The following DSCAM variants were observed in gnomAD, a reference collection of about 807,000 sequenced individuals.
DSCAM encodes cell adhesion molecule DSCAM.
A neutral mutation model predicts 217.7 loss-of-function variants in DSCAM; 47 were observed. The observed-to-expected ratio is 0.22, with a 90% CI of 0.17 to 0.28. DSCAM has a LOEUF of 0.28. DSCAM is among the 10% of genes least tolerant of loss of function. The pLI is 1.00. For missense variants in DSCAM, 2,080 were observed against 2,618.3 expected (o/e 0.79, Z 4.49); for synonymous variants, 1,056 against 1,015.3 (o/e 1.04, Z -0.76).
intron 11 of DSCAM, among the ~76,000 whole-genome samples, chr21:40,225,873 T>G (rs147609557): frequency 1.8e-3 from 267 of 152,268 alleles, no homozygotes; most frequent in African/African-American, 6.1e-3. Context: ...GACACAAGTG[T>G]GTTGGTGATG....
chr21:40,785,017 A>C (rs1214819209), intron 1 of DSCAM, among the ~76,000 whole-genome samples: 1 of 152,256 alleles, frequency 6.6e-6, no homozygotes, highest in African/African-American at 2.4e-5. Flanking sequence ...TAATTCATAA[A>C]GTCTAAATGC....
intron 11 of DSCAM, among the ~76,000 whole-genome samples, chr21:40,246,461 AACCTGGG>A (rs2073227082): frequency 6.7e-6 from 1 of 149,626 alleles, no homozygotes; most frequent in Non-Finnish European, 1.5e-5. Flanking sequence ...GAACTGTTGG[AACCTGGG>A]AGGTGGAGGC....
intron 15 of DSCAM, among the ~76,000 whole-genome samples, chr21:40,172,883 T>C (rs561798837): frequency 6.6e-6 from 1 of 152,066 alleles, no homozygotes; most frequent in Non-Finnish European, 1.5e-5. Context: ...AGGAGTTGGG[T>C]GGGTGGGCGA....
intron 3 of DSCAM, among the ~76,000 whole-genome samples, chr21:40,418,185 A>C (rs934346597): frequency 7.9e-5 from 12 of 152,240 alleles, no homozygotes; most frequent in South Asian, 4.2e-4. Flanking sequence ...ATTGAGATTC[A>C]GTGTTATCCA....
At chr21:40,446,083 C>T (rs984819936) in intron 3 of DSCAM, among the ~76,000 whole-genome samples, 15 of 152,116 alleles carry the variant, frequency 9.9e-5, no homozygotes, top group Non-Finnish European at 1.8e-4. Context: ...GCTTTATATT[C>T]TTACGTGGGA....
intron 1 of DSCAM, among the ~76,000 whole-genome samples, chr21:40,710,581 A>G (rs990673143): frequency 2.0e-5 from 3 of 152,136 alleles, no homozygotes; most frequent in Admixed American, 2.0e-4. Flanking sequence ...TTTCATTTAA[A>G]TTGTTTCTCT....
intron 8 of DSCAM, among the ~76,000 whole-genome samples, chr21:40,315,477 A>T (rs1601543671): frequency 6.6e-6 from 1 of 152,162 alleles, no homozygotes; most frequent in African/African-American, 2.4e-5. Flanking sequence ...TTTAGAGCAT[A>T]AGAGAGTTAT....
At chr21:40,566,209 G>A (rs762369492) in intron 3 of DSCAM, among the ~76,000 whole-genome samples, 16 of 152,094 alleles carry the variant, frequency 1.1e-4, no homozygotes, top group Admixed American at 9.2e-4. Context: ...CACTGTTGAC[G>A]CTCAGAAACG....
chr21:40,408,265 T>TAACA (rs1464140916), intron 3 of DSCAM, among the ~76,000 whole-genome samples: 4 of 151,976 alleles, frequency 2.6e-5, no homozygotes, highest in Non-Finnish European at 2.9e-5. Flanking sequence ...AAAGAAAGAA[T>TAACA]GGTTACTAAG....
At chr21:40,068,267 C>G (rs1601294244) in intron 27 of DSCAM, among the ~76,000 whole-genome samples, 1 of 152,102 alleles carries the variant, frequency 6.6e-6, no homozygotes, top group South Asian at 2.1e-4. Context: ...TTCAGGAGAA[C>G]AGTTACATTT....
intron 1 of DSCAM, among the ~76,000 whole-genome samples, chr21:40,797,991 G>C (rs1053191838): frequency 6.6e-6 from 1 of 151,524 alleles, no homozygotes; most frequent in African/African-American, 2.4e-5. Flanking sequence ...CTTTTTTTAG[G>C]TATTTAACTC....
chr21:40,801,888 G>A (rs543467819), intron 1 of DSCAM, among the ~76,000 whole-genome samples: 3 of 152,002 alleles, frequency 2.0e-5, no homozygotes, highest in South Asian at 2.1e-4. Context: ...CTTGTCACAG[G>A]GGGGGTTGCC....
At chr21:40,098,878 C>G (rs1405391297) in intron 20 of DSCAM, among the ~76,000 whole-genome samples, 6 of 152,162 alleles carry the variant, frequency 3.9e-5, no homozygotes, top group Non-Finnish European at 1.5e-5. Context: ...CCTCCACCCC[C>G]CTCCCACTAC....
intron 3 of DSCAM, among the ~76,000 whole-genome samples, chr21:40,447,677 C>T (rs1259639201): frequency 2.0e-5 from 3 of 152,206 alleles, no homozygotes; most frequent in African/African-American, 7.2e-5. Context: ...GTTATGGCAA[C>T]TCTGAATACA....
intron 2 of DSCAM, among the ~76,000 whole-genome samples, chr21:40,699,230 A>G (rs913371553): frequency 2.0e-5 from 3 of 152,224 alleles, no homozygotes; most frequent in African/African-American, 7.2e-5. Flanking sequence ...CATTTACAGA[A>G]GATAGCAAAC....
At chr21:40,259,554 G>A (rs2073419968) in intron 11 of DSCAM, among the ~76,000 whole-genome samples, 1 of 148,968 alleles carries the variant, frequency 6.7e-6, no homozygotes. Context: ...GGGCCCAGAA[G>A]TTAAAAGTTA....
chr21:40,144,370 G>A lies in DSCAM; in HGVS notation c.3259+121C>T. 1 of 1,467,162 alleles carries A rather than the reference G, an allele frequency of 6.8e-7. No individual in the cohort carries two copies. The highest frequency in any genetic ancestry group is 9.2e-7 in the Non-Finnish European group (1 of 1,085,554). The allele number at this position is 1,467,162 out of a possible 1,614,324, so 90.9% of individuals were successfully genotyped here. A position where few individuals can be genotyped will look rare whatever the true frequency, so the allele number is the denominator to read the frequency against. On this transcript the variant is annotated intron_variant, in intron 17 of 32. Transcript: ENST00000400454. This position sits in a 1 kb window ranked among gnomAD's most constrained non-coding sequence, Gnocchi z 4.8. ...GAAGGCTTTTCCACCCGAGACCCCA[G>A]GCCCTGCAGGTCACTGCAAAGTCGT...
At chr21:40,214,734 GCAAA>G (rs1393855931) in intron 11 of DSCAM, among the ~76,000 whole-genome samples, 1 of 60,302 alleles carries the variant, frequency 1.7e-5, no homozygotes, top group African/African-American at 8.5e-5. Flanking sequence ...AGCAACAACA[GCAAA>G]AAAAAAAAAA....
At chr21:40,582,458 G>T (rs1175729024) in intron 3 of DSCAM, among the ~76,000 whole-genome samples, 1 of 152,046 alleles carries the variant, frequency 6.6e-6, no homozygotes. Flanking sequence ...CCAGCCGAAA[G>T]GATCAAGAGC....
Sources: allele counts gnomAD v4.1 joint callset (sites outside exome capture counted in the v4.1 genomes callset), GRCh38; gene constraint gnomAD v4.1.1; non-coding constraint Gnocchi (gnomAD v3.1); transcripts MANE v1.5; gene names NCBI Gene and HGNC (gene_info 2026-07-23, HGNC 2026-07-21).